Variants in GRB10 observed in about 807,000 individuals in gnomAD.
The protein encoded by GRB10 is growth factor receptor-bound protein 10.
A neutral mutation model predicts 80.9 loss-of-function variants in GRB10; 20 were observed. The ratio of observed to expected loss-of-function variants is 0.25; its 90% confidence interval spans 0.17 to 0.36. The LOEUF is 0.36. Ranked by LOEUF, GRB10 falls within the 10% of genes least tolerant of loss-of-function variation. The pLI is 1.00. For synonymous variants in GRB10, 291 were observed against 291.5 expected, an observed-to-expected ratio of 1.00 and a Z score of 0.02; for missense variants, 548 against 747.7, an observed-to-expected ratio of 0.73 and a Z score of 3.12.
rs1041430689 is a variant in GRB10, at chr7:50,591,035, G to A, written c.*1917C>T. 6.6e-6 allele frequency: 1 copy of A among 152,190 alleles called. No homozygotes were observed. The highest frequency in any genetic ancestry group is 2.4e-5 in the African/African-American group (1 of 41,430). 9.4% of individuals were successfully genotyped at this position (152,190 alleles called of 1,614,324 possible). ...TTTCCTTGAAAAGGGTTTACCTCGA[G>A]CCAGTGAAGAGGAAGGAATCGTGGT... On this transcript the variant is annotated 3_prime_UTR_variant, in exon 19 of 19. Transcript: ENST00000401949.
intron 7 of GRB10, among the ~76,000 whole-genome samples, chr7:50,637,780 GTAT>G (rs758024543): frequency 2.0e-5 from 3 of 151,150 alleles, no homozygotes; most frequent in Admixed American, 1.3e-4. Flanking sequence ...AAAGCCAGAG[GTAT>G]TATATTACCT....
chr7:50,784,646 T>G (rs2078614827), upstream of GRB10, among the ~76,000 whole-genome samples: 1 of 152,244 alleles, frequency 6.6e-6, no homozygotes, highest in African/African-American at 2.4e-5. Context: ...ACAAGGAATC[T>G]TGAAAAGCCA....
At chr7:50,744,573 T>C (rs2072522392) in intron 3 of GRB10, among the ~76,000 whole-genome samples, 1 of 152,244 alleles carries the variant, frequency 6.6e-6, no homozygotes, top group Non-Finnish European at 1.5e-5. Flanking sequence ...ACATACTGTA[T>C]TCTTAGAATA....
intron 7 of GRB10, among the ~76,000 whole-genome samples, chr7:50,654,806 C>T (rs1271967658): frequency 6.6e-6 from 1 of 152,164 alleles, no homozygotes; most frequent in South Asian, 2.1e-4. Context: ...CCCTTTCCTG[C>T]TAGATGGCTT....
intron 2 of GRB10, among the ~76,000 whole-genome samples, chr7:50,759,192 C>CA (rs57526722): frequency 0.49 from 55,174 of 113,344 alleles, 13,156 homozygotes; most frequent in Middle Eastern, 0.75. Flanking sequence ...GACTCTGCCT[C>CA]AAAAAAAAAA....
At chr7:50,763,564 G>A (rs943596340) in intron 2 of GRB10, among the ~76,000 whole-genome samples, 1 of 152,152 alleles carries the variant, frequency 6.6e-6, no homozygotes, top group Non-Finnish European at 1.5e-5. Flanking sequence ...ACACACACAC[G>A]GAATGTTTAC....
rs755643751 is a variant in GRB10, at chr7:50,703,839, G to A, written c.121C>T (p.Arg41Ter). ...AGPGLPAQSD[R>*]LANHQEDDVD... ...TCCTTACCCTGGTGATTCGCAAGTCGGTCAGACTGTGCGGGGAGTCCTGGT... is the reference window on the plus strand; with the variant it reads ...TCCTTACCCTGGTGATTCGCAAGTCAGTCAGACTGTGCGGGGAGTCCTGGT... The change falls in exon 5 of 19, where the codon CGA (arginine) becomes TGA (stop). Residue 41 changes from arginine (R) to a stop codon, truncating the protein, a stop_gained. Transcript: ENST00000401949. LOFTEE classifies it high-confidence loss of function. 6.1e-5 allele frequency: 99 copies of A among 1,612,552 alleles called. No individual in the cohort carries two copies. Among genetic ancestry groups the A allele is most frequent in the African/African-American group, 1.2e-4 (9 of 74,858 alleles).
At chr7:50,777,493 T>C (rs150082135) in intron 2 of GRB10, among the ~76,000 whole-genome samples, 183 of 151,414 alleles carry the variant, frequency 1.2e-3, no homozygotes, top group African/African-American at 4.3e-3. Context: ...CTAATTATAA[T>C]TGAATTATAT....
intron 7 of GRB10, among the ~76,000 whole-genome samples, chr7:50,660,259 T>A (rs1161952643): frequency 6.6e-6 from 1 of 151,510 alleles, no homozygotes; most frequent in Non-Finnish European, 1.5e-5. Context: ...CGCATTCAAA[T>A]GGGAAGTGGG....
intron 3 of GRB10, among the ~76,000 whole-genome samples, chr7:50,751,324 C>A: frequency 6.6e-6 from 1 of 152,176 alleles, no homozygotes; most frequent in South Asian, 2.1e-4. Context: ...TCTATAGAAG[C>A]TGTGTCTGAA....
At chr7:50,629,556 G>A (rs936060351) in intron 7 of GRB10, among the ~76,000 whole-genome samples, 1 of 152,070 alleles carries the variant, frequency 6.6e-6, no homozygotes, top group African/African-American at 2.4e-5. Context: ...TCTCACCAGG[G>A]CCCTCCAACC....
intron 17 of GRB10, among the ~76,000 whole-genome samples, chr7:50,597,919 A>C (rs2046943975): frequency 6.6e-6 from 1 of 152,088 alleles, no homozygotes. Context: ...GCTGGAGTGC[A>C]ATGGTGCAAT....
rs774617166 is a variant in GRB10 at position 50,619,222 on chromosome 7, T to G, written c.725A>C (p.Lys242Thr). The G allele has an allele frequency of 1.9e-6, 3 of 1,613,810 alleles. No individual in the cohort carries two copies. The highest frequency in any genetic ancestry group is 8.5e-7 in the Non-Finnish European group (1 of 1,179,774). Residue 242 changes from lysine (K) to threonine (T), a missense_variant, in exon 9 of 19, where the codon AAA becomes ACA. Physicochemically the swap from Lys to Thr is moderately conservative, Grantham distance 78 (BLOSUM62 -1). Coordinates refer to ENST00000401949, the MANE Select transcript of GRB10 (RefSeq NM_001350814.2). ...QVESTMASES[K>T]FLFRKNYAKY... Reference sequence around the variant, plus strand: ...TGCGTAATTCTTCCTGAATAGAAATTTACTCTCACTGGCCATGGTACTCTC... The same window carrying G: ...TGCGTAATTCTTCCTGAATAGAAATGTACTCTCACTGGCCATGGTACTCTC...
intron 7 of GRB10, among the ~76,000 whole-genome samples, chr7:50,663,476 G>A (rs7786977): frequency 0.077 from 11,757 of 152,222 alleles, 1,570 homozygotes; most frequent in African/African-American, 0.27. Context: ...AGTGCCATGT[G>A]ACTAGGGTCC....
At chr7:50,773,616 G>A (rs2077259850) in intron 2 of GRB10, among the ~76,000 whole-genome samples, 1 of 152,162 alleles carries the variant, frequency 6.6e-6, no homozygotes, top group African/African-American at 2.4e-5. Flanking sequence ...AAATGGTGCA[G>A]CTGCTCTAGA....
intron 7 of GRB10, among the ~76,000 whole-genome samples, chr7:50,666,305 G>A (rs981391624): frequency 2.0e-5 from 3 of 152,212 alleles, no homozygotes; most frequent in East Asian, 1.9e-4. Context: ...CACCCGGCCC[G>A]TTGTAGGGGC....
intron 3 of GRB10, among the ~76,000 whole-genome samples, chr7:50,735,614 C>T (rs753406790): frequency 1.3e-5 from 2 of 151,994 alleles, no homozygotes; most frequent in African/African-American, 2.4e-5. Flanking sequence ...AAGTGATCTG[C>T]TATTCAATGA....
chr7:50,613,370 T>G (rs2049934184), intron 12 of GRB10, among the ~76,000 whole-genome samples: 1 of 151,742 alleles, frequency 6.6e-6, no homozygotes, highest in Non-Finnish European at 1.5e-5. Flanking sequence ...AAGTAGAAGG[T>G]CCAGAGAGGG....
chr7:50,707,806 C>T (rs946757769), intron 4 of GRB10, among the ~76,000 whole-genome samples: 2 of 152,174 alleles, frequency 1.3e-5, no homozygotes, highest in African/African-American at 4.8e-5. Context: ...CCCTAAGGCC[C>T]TGCAGGTTAA....
Sources: allele counts gnomAD v4.1 joint callset (sites outside exome capture counted in the v4.1 genomes callset), GRCh38; gene constraint gnomAD v4.1.1; transcripts MANE v1.5; gene names NCBI Gene and HGNC (gene_info 2026-07-23, HGNC 2026-07-21).